Variants in LUZP2 observed in about 807,000 individuals in gnomAD.
The protein encoded by LUZP2 is leucine zipper protein 2.
In LUZP2, 52 loss-of-function variants were observed where a neutral mutation model predicts 51.6. The ratio of observed to expected loss-of-function variants is 1.01; its 90% CI spans 0.81 to 1.27. The LOEUF is 1.27. Ranked by LOEUF, LUZP2 falls within the 50% of genes most tolerant of loss-of-function variation. LUZP2 has a pLI of 0.00. For synonymous variants in LUZP2, 154 were observed against 137.3 expected (o/e 1.12, Z -0.85); for missense variants, 436 against 395.4 (o/e 1.10, Z -0.87).
At chr11:24,686,476 G>A (rs958225844) in intron 1 of LUZP2, among the ~76,000 whole-genome samples, 3 of 152,086 alleles carry the variant, frequency 2.0e-5, no homozygotes, top group South Asian at 2.1e-4. Context: ...TCCCCCATTC[G>A]TACAGTTAAA....
chr11:24,883,569 G>A (rs10767267), intron 5 of LUZP2, among the ~76,000 whole-genome samples: 73,480 of 151,314 alleles, frequency 0.49, 18,238 homozygotes, highest in East Asian at 0.69. Context: ...TGAAATTTTC[G>A]TTAGCAATAA....
intron 4 of LUZP2, among the ~76,000 whole-genome samples, chr11:24,758,680 G>C (rs1043346264): frequency 1.2e-4 from 19 of 152,060 alleles, no homozygotes; most frequent in Non-Finnish European, 2.8e-4. Flanking sequence ...TTTTGGATTT[G>C]ATTAGAGAAA....
intron 5 of LUZP2, among the ~76,000 whole-genome samples, chr11:24,785,021 T>C (rs112872444): frequency 7.7e-4 from 117 of 152,158 alleles, no homozygotes; most frequent in African/African-American, 2.6e-3. Flanking sequence ...TCTGTGGAAG[T>C]GTGAAGCCCC....
chr11:24,667,206 C>T (rs187871499), intron 1 of LUZP2, among the ~76,000 whole-genome samples: 3 of 123,180 alleles, frequency 2.4e-5, no homozygotes, highest in Admixed American at 9.0e-5. Flanking sequence ...TTTTTTGAGA[C>T]GGAGTCTCAC....
Position 24,825,735 on chromosome 11 carries a change from C to T in LUZP2, c.396+62427C>T, listed in dbSNP as rs1393813950. On this transcript the variant is annotated intron_variant, in intron 5 of 11. Coordinates refer to ENST00000336930, the MANE Select transcript of LUZP2 (RefSeq NM_001009909.4). ...TTATTTACTTATTTCGACAGAAATC[C>T]CACAAGCTTCCCTCCTCACCCCCTG... Among the ~76,000 whole-genome samples the T allele has an allele frequency of 3.9e-5, 6 of 152,066 alleles. No homozygotes were observed. The East Asian group carries it at 7.7e-4, about 20-fold the overall frequency.
intron 1 of LUZP2, among the ~76,000 whole-genome samples, chr11:24,599,817 G>T (rs536125517): frequency 1.3e-5 from 2 of 151,932 alleles, no homozygotes; most frequent in African/African-American, 2.4e-5. Context: ...TGAAAAGTAC[G>T]TAAAAAAAAC....
intron 8 of LUZP2, among the ~76,000 whole-genome samples, chr11:24,979,809 T>G (rs893761001): frequency 1.3e-5 from 2 of 151,826 alleles, no homozygotes; most frequent in African/African-American, 4.8e-5. Flanking sequence ...AAAGCATACA[T>G]TATTACATCC....
intron 5 of LUZP2, among the ~76,000 whole-genome samples, chr11:24,781,004 G>A (rs1362176680): frequency 6.6e-6 from 1 of 152,116 alleles, no homozygotes; most frequent in African/African-American, 2.4e-5. Flanking sequence ...CAATCATACA[G>A]TTGGAGTGTG....
chr11:24,846,016 A>G lies in LUZP2; in HGVS notation c.397-59975A>G, dbSNP rs192199591. On this transcript the variant is annotated intron_variant, in intron 5 of 11. Coordinates refer to ENST00000336930, the MANE Select transcript of LUZP2 (RefSeq NM_001009909.4). ...AATTTTCAATAGACATTATATTTTT[A>G]TGGTAAGTTATCAGATGCATCCATT... Among the ~76,000 whole-genome samples, 53 of 152,286 alleles carry G rather than the reference A, an allele frequency of 3.5e-4. No individual in the cohort carries two copies. In the East Asian group the frequency reaches 0.01, roughly 29 times the overall value.
chr11:24,546,524 A>T (rs1192780605), intron 1 of LUZP2, among the ~76,000 whole-genome samples: 1 of 152,088 alleles, frequency 6.6e-6, no homozygotes, highest in African/African-American at 2.4e-5. Context: ...ACCTATTAAC[A>T]TGATCATGTG....
At position 25,081,415 on chromosome 11, in the gene LUZP2, G is replaced by A. The variant is rs1349124019; in HGVS notation, c.*2757G>A. On this transcript the variant is annotated 3_prime_UTR_variant, in exon 12 of 12. Coordinates refer to ENST00000336930, the MANE Select transcript of LUZP2 (RefSeq NM_001009909.4). ...CTGTGTTATACTCATTGCATCATTT[G>A]TTTAAAAAAAAAAAAGAAACTTGTA... 1 of 147,452 alleles carries A rather than the reference G, an allele frequency of 6.8e-6. No individual in the cohort carries two copies. The highest frequency in any genetic ancestry group is 2.5e-5 in the African/African-American group (1 of 40,080). The allele number at this position is 147,452 out of a possible 1,614,324, so 9.1% of individuals were successfully genotyped here.
chr11:24,810,984 A>G (rs1461975124), intron 5 of LUZP2, among the ~76,000 whole-genome samples: 1 of 152,128 alleles, frequency 6.6e-6, no homozygotes, highest in Non-Finnish European at 1.5e-5. Flanking sequence ...AGTTCATGAC[A>G]AGTAGTATCA....
At chr11:25,074,453 TA>T (rs1295864866) in intron 10 of LUZP2, among the ~76,000 whole-genome samples, 1 of 152,142 alleles carries the variant, frequency 6.6e-6, no homozygotes, top group East Asian at 1.9e-4. Context: ...CTTCTAGACA[TA>T]AAACATTTTC....
chr11:24,661,616 A>C (rs1173932689), intron 1 of LUZP2, among the ~76,000 whole-genome samples: 1 of 152,122 alleles, frequency 6.6e-6, no homozygotes, highest in Non-Finnish European at 1.5e-5. Context: ...AGGACCACTG[A>C]GCTCAGTTTT....
chr11:24,921,995 C>T (rs752506389), intron 7 of LUZP2, among the ~76,000 whole-genome samples: 6 of 152,076 alleles, frequency 3.9e-5, no homozygotes, highest in Admixed American at 6.5e-5. Flanking sequence ...TGGCCACTAA[C>T]ATGTTACCTG....
intron 1 of LUZP2, among the ~76,000 whole-genome samples, chr11:24,657,286 T>C (rs778534147): frequency 6.6e-6 from 1 of 152,184 alleles, no homozygotes; most frequent in Non-Finnish European, 1.5e-5. Flanking sequence ...ATATTAAATG[T>C]GGATTATTAG....
chr11:24,781,403 G>T (rs1394112045), intron 5 of LUZP2, among the ~76,000 whole-genome samples: 1 of 151,918 alleles, frequency 6.6e-6, no homozygotes, highest in South Asian at 2.1e-4. Flanking sequence ...TAACCTCAGA[G>T]ATATTTCTTA....
intron 7 of LUZP2, among the ~76,000 whole-genome samples, chr11:24,970,295 G>A (rs1163353381): frequency 6.6e-6 from 1 of 152,048 alleles, no homozygotes; most frequent in African/African-American, 2.4e-5. Context: ...CATTCATGCA[G>A]CATATTATCA....
intron 1 of LUZP2, among the ~76,000 whole-genome samples, chr11:24,510,804 C>G (rs879879834): frequency 2.0e-5 from 3 of 151,938 alleles, no homozygotes; most frequent in Non-Finnish European, 2.9e-5. Context: ...TATTTGTGGG[C>G]CAAGAAAGTA....
Sources: allele counts gnomAD v4.1 joint callset (sites outside exome capture counted in the v4.1 genomes callset), GRCh38; gene constraint gnomAD v4.1.1; transcripts MANE v1.5; gene names NCBI Gene and HGNC (gene_info 2026-07-23, HGNC 2026-07-21).